Variants in PLSCR4 observed in about 807,000 individuals in gnomAD.
PLSCR4 encodes the protein Ca(2+)-dependent phospholipid scramblase 4.
Under a neutral mutation model 36.3 loss-of-function variants are expected in PLSCR4, and 25 were observed. The observed-to-expected ratio is 0.69, with a 90% confidence interval of 0.50 to 0.96. The LOEUF (loss-of-function observed/expected upper bound fraction) is 0.96, where lower values mean the gene tolerates loss of function less well. Ranked by LOEUF, PLSCR4 falls within the 40% of genes least tolerant of loss-of-function variation. PLSCR4 has a pLI of 0.00. For synonymous variants in PLSCR4, 122 were observed against 132.9 expected, an observed-to-expected ratio of 0.92 and a Z score of 0.56; for missense variants, 408 against 414.7, an observed-to-expected ratio of 0.98 and a Z score of 0.14.
intron 3 of PLSCR4, among the ~76,000 whole-genome samples, chr3:146,213,466 G>C (rs1325128729): frequency 6.6e-6 from 1 of 151,150 alleles, no homozygotes; most frequent in Non-Finnish European, 1.5e-5. Flanking sequence ...CAAGTAGCTG[G>C]GATTACAGGC....
At chr3:146,196,832 G>A (rs774932291) in intron 6 of PLSCR4, 39 bp from the exon 7 acceptor site, 2 of 1,578,904 alleles carry the variant, frequency 1.3e-6, no homozygotes, top group Non-Finnish European at 1.7e-6. Context: ...GATGCTACAT[G>A]CATACACATA....
At chr3:146,207,237 C>T (rs550044141) in intron 3 of PLSCR4, among the ~76,000 whole-genome samples, 16 of 152,206 alleles carry the variant, frequency 1.1e-4, no homozygotes, top group African/African-American at 2.6e-4. Context: ...CAAAGGAGTG[C>T]TTTTAATGAA....
chr3:146,244,810 T>G (rs751124292), intron 1 of PLSCR4, among the ~76,000 whole-genome samples: 4 of 152,022 alleles, frequency 2.6e-5, no homozygotes, highest in Non-Finnish European at 2.9e-5. Context: ...GTCAAAAAGC[T>G]GGAAAAGATT....
intron 1 of PLSCR4, among the ~76,000 whole-genome samples, chr3:146,249,016 T>C (rs1463927764): frequency 6.6e-6 from 1 of 152,174 alleles, no homozygotes; most frequent in Middle Eastern, 3.2e-3. Flanking sequence ...TCTTTTGCTT[T>C]GAGTTGACTC....
intron 1 of PLSCR4, among the ~76,000 whole-genome samples, chr3:146,248,173 G>A (rs1292007417): frequency 6.6e-6 from 1 of 152,040 alleles, no homozygotes; most frequent in Non-Finnish European, 1.5e-5. Context: ...TATTAAGGAA[G>A]GGGATTTTAA....
At chr3:146,206,332 C>T (rs964115049) in intron 4 of PLSCR4, among the ~76,000 whole-genome samples, 194 bp downstream of exon 4, 4 of 152,102 alleles carry the variant, frequency 2.6e-5, no homozygotes, top group South Asian at 4.1e-4. Flanking sequence ...ACTCATCCCA[C>T]TATAAACATC....
At chr3:146,199,547 C>G (rs1321611039) in intron 6 of PLSCR4, among the ~76,000 whole-genome samples, 1 of 152,034 alleles carries the variant, frequency 6.6e-6, no homozygotes, top group Non-Finnish European at 1.5e-5. Flanking sequence ...TAAGTAGATG[C>G]AACTGATGGA....
At chr3:146,229,117 A>G (rs2035590144) in intron 1 of PLSCR4, among the ~76,000 whole-genome samples, 1 of 152,210 alleles carries the variant, frequency 6.6e-6, no homozygotes, top group Non-Finnish European at 1.5e-5. Context: ...ATAATAGAGA[A>G]TTATTCTGGT....
intron 3 of PLSCR4, among the ~76,000 whole-genome samples, chr3:146,218,245 G>T (rs1468776918): frequency 6.6e-6 from 1 of 151,898 alleles, no homozygotes; most frequent in African/African-American, 2.4e-5. Flanking sequence ...TACCCGAATT[G>T]GACTAGAAAT....
At chr3:146,195,324 T>G (rs760171897) in intron 7 of PLSCR4, 42 bp from the exon 8 acceptor site, 1 of 1,490,812 alleles carries the variant, frequency 6.7e-7, no homozygotes, top group Non-Finnish European at 9.3e-7. Context: ...TTGAAACGCA[T>G]TGAAGCATGT....
Position 146,194,169 on chromosome 3 carries a change from C to G in PLSCR4, c.*242G>C, listed in dbSNP as rs1195708836. 3 of 450,116 alleles carry G rather than the reference C, an allele frequency of 6.7e-6. No individual in the cohort carries two copies. Among genetic ancestry groups the G allele is most frequent in the African/African-American group, 4.0e-5 (2 of 49,864 alleles). The allele number at this position is 450,116 out of a possible 1,614,324, so 27.9% of individuals were successfully genotyped here. On this transcript the variant is annotated 3_prime_UTR_variant, in exon 9 of 9. Coordinates refer to ENST00000354952, the MANE Select transcript of PLSCR4 (RefSeq NM_020353.3). ...TTTAAGCTTACTTTGTATATGTTTA[C>G]TGGGTTAATGAGTCACAGCTTTTCA...
chr3:146,215,341 ATG>A (rs2034841662), intron 3 of PLSCR4, among the ~76,000 whole-genome samples: 1 of 151,932 alleles, frequency 6.6e-6, no homozygotes, highest in Non-Finnish European at 1.5e-5. Flanking sequence ...ATTATTCACT[ATG>A]TGTTATATTA....
chr3:146,212,006 A>C (rs943412965), intron 3 of PLSCR4, among the ~76,000 whole-genome samples: 1 of 152,042 alleles, frequency 6.6e-6, no homozygotes, highest in Admixed American at 6.6e-5. Context: ...TTTTTTTTCA[A>C]GATTGTTTAG....
At chr3:146,235,635 G>A (rs2035883805) in intron 1 of PLSCR4, among the ~76,000 whole-genome samples, 1 of 152,170 alleles carries the variant, frequency 6.6e-6, no homozygotes, top group South Asian at 2.1e-4. Context: ...AGCAGCTTTG[G>A]AACTGGGTAA....
intron 3 of PLSCR4, among the ~76,000 whole-genome samples, chr3:146,211,446 A>G (rs541687515): frequency 6.6e-6 from 1 of 152,222 alleles, no homozygotes; most frequent in Admixed American, 6.5e-5. Flanking sequence ...TATATTCAAG[A>G]TAAAAGTCTC....
chr3:146,225,460 G>T (rs923124267), intron 1 of PLSCR4, among the ~76,000 whole-genome samples: 33 of 152,352 alleles, frequency 2.2e-4, no homozygotes, highest in African/African-American at 7.2e-4. Flanking sequence ...TGGTCGATGG[G>T]ACTGGGTGCG....
chr3:146,206,599 G>A lies in PLSCR4; in HGVS notation c.281C>T (p.Ser94Phe). Residue 94 changes from serine to phenylalanine, a missense_variant, in exon 4 of 9, where the codon TCT becomes TTT. Transcript: ENST00000354952. ...QPGKYPMPNQ[S>F]VPITWMPGPT... ...CCCTGGCATCCATGTTATTGGAACAGACTGATTTGGCATAGGATATTTGCC... is the reference window on the plus strand; with the variant it reads ...CCCTGGCATCCATGTTATTGGAACAAACTGATTTGGCATAGGATATTTGCC... 2 of 1,613,638 alleles carry A rather than the reference G, an allele frequency of 1.2e-6. No individual in the cohort carries two copies. Among genetic ancestry groups the A allele is most frequent in the Middle Eastern group, 1.7e-4 (1 of 6,056 alleles).
chr3:146,200,048 T>C lies in PLSCR4; in HGVS notation c.398-9A>G, dbSNP rs2036336495. On this transcript the variant is annotated splice_polypyrimidine_tract_variant and intron_variant, in intron 5 of 8. Transcript: ENST00000354952. ...TTCAAAACATGTCATCACTAAAAAA[T>C]AAAATGAGTAAGTCTATATTAGAAA... The C allele has an allele frequency of 1.4e-6, 2 of 1,438,082 alleles. No homozygotes were observed. The highest frequency in any genetic ancestry group is 3.4e-5 in the Admixed American group (2 of 58,472). The allele number at this position is 1,438,082 out of a possible 1,614,324, so 89.1% of individuals were successfully genotyped here. A position where few individuals can be genotyped will look rare whatever the true frequency, so the allele number is the denominator to read the frequency against.
At chr3:146,207,057 T>G (rs2034374680) in intron 3 of PLSCR4, among the ~76,000 whole-genome samples, 1 of 152,112 alleles carries the variant, frequency 6.6e-6, no homozygotes. Context: ...CTTAATAAAT[T>G]AGGTTCCTCC....
Sources: allele counts gnomAD v4.1 joint callset (sites outside exome capture counted in the v4.1 genomes callset), GRCh38; gene constraint gnomAD v4.1.1; transcripts MANE v1.5; gene names NCBI Gene and HGNC (gene_info 2026-07-23, HGNC 2026-07-21).